TEK: variants seen among roughly 807,000 people sequenced by gnomAD.
TEK encodes the protein angiopoietin-1 receptor.
Under a neutral mutation model 131.8 loss-of-function variants are expected in TEK, and 43 were observed. That is an observed-to-expected ratio of 0.33 (90% CI 0.26 to 0.42). TEK has a LOEUF of 0.42. Among genes scored for constraint, TEK ranks in the 10% least tolerant of loss-of-function variants. The probability of loss-of-function intolerance (pLI) is 1.00; values close to 1 mark genes in which losing one functional copy is unlikely to be tolerated. For synonymous variants in TEK, 580 were observed against 491.6 expected (o/e 1.18, Z -2.38); for missense variants, 1,162 against 1,384.4 (o/e 0.84, Z 2.55).
Position 27,172,615 on chromosome 9 carries a change from G to A in TEK, c.629-1G>A, listed in dbSNP as rs1463342917. On this transcript the variant is annotated splice_acceptor_variant, in intron 4 of 22. Coordinates refer to ENST00000380036, the MANE Select transcript of TEK (RefSeq NM_000459.5). LOFTEE classifies it high-confidence loss of function. Reference sequence around the variant, plus strand: ...CACAGCCTTGTTTTCCTTAACAAAAGGATGTGAAGCCCAGAAGTGGGGACC... The same window carrying A: ...CACAGCCTTGTTTTCCTTAACAAAAAGATGTGAAGCCCAGAAGTGGGGACC... 1 of 1,613,466 alleles carries A rather than the reference G, an allele frequency of 6.2e-7. No homozygotes were observed. The highest frequency in any genetic ancestry group is 8.5e-7 in the Non-Finnish European group (1 of 1,179,518).
intron 21 of TEK, among the ~76,000 whole-genome samples, chr9:27,226,399 C>A (rs12349915): frequency 0.13 from 19,112 of 152,182 alleles, 1,385 homozygotes; most frequent in Admixed American, 0.18. Context: ...TACTATGCAG[C>A]CATAAGAAAG....
At chr9:27,206,298 C>T (rs533564456) in intron 14 of TEK, among the ~76,000 whole-genome samples, 1 of 152,150 alleles carries the variant, frequency 6.6e-6, no homozygotes, top group Non-Finnish European at 1.5e-5. Context: ...GCAAGGATGG[C>T]AAACACATGG....
chr9:27,218,110 G>A (rs1259674209), intron 19 of TEK, among the ~76,000 whole-genome samples: 2 of 119,508 alleles, frequency 1.7e-5, no homozygotes, highest in African/African-American at 6.8e-5. Flanking sequence ...AGCTGCTGGG[G>A]ACAAAATAAG....
chr9:27,140,903 C>G (rs1822700294), intron 1 of TEK, among the ~76,000 whole-genome samples: 1 of 152,082 alleles, frequency 6.6e-6, no homozygotes, highest in Admixed American at 6.5e-5. Flanking sequence ...TGCCTTCAAT[C>G]TTGAGTTTTA....
chr9:27,198,947 G>A (rs916400779), intron 12 of TEK, among the ~76,000 whole-genome samples: 11 of 152,108 alleles, frequency 7.2e-5, no homozygotes, highest in East Asian at 1.9e-4. Context: ...ACAGGCACAC[G>A]CCACCACACC....
chr9:27,224,029 T>A (rs575255548), intron 21 of TEK, among the ~76,000 whole-genome samples: 3 of 152,336 alleles, frequency 2.0e-5, no homozygotes, highest in Admixed American at 6.5e-5. Flanking sequence ...GATAAATTCA[T>A]GGACACATAC....
intron 6 of TEK, among the ~76,000 whole-genome samples, 177 bp from the exon 7 acceptor site, chr9:27,180,063 T>C (rs1368097013): frequency 6.6e-6 from 1 of 152,180 alleles, no homozygotes; most frequent in Non-Finnish European, 1.5e-5. Context: ...TCAACTTTTT[T>C]TGGAAGCATA....
intron 11 of TEK, among the ~76,000 whole-genome samples, chr9:27,193,078 T>C (rs1824880842): frequency 6.6e-6 from 1 of 152,204 alleles, no homozygotes; most frequent in East Asian, 1.9e-4. Context: ...TTCCAATTTT[T>C]CAAAGTAATT....
At chr9:27,120,791 G>C (rs112193031) in intron 1 of TEK, among the ~76,000 whole-genome samples, 1 of 152,254 alleles carries the variant, frequency 6.6e-6, no homozygotes, top group African/African-American at 2.4e-5. Context: ...AGGATCAGAA[G>C]TGGCCCTTGC....
In TEK at chr9:27,189,849, GAA is replaced by G. The variant is rs922740203; in HGVS notation, c.1328-678_1328-677del. On this transcript the variant is annotated intron_variant, in intron 9 of 22. Coordinates refer to ENST00000380036, the MANE Select transcript of TEK (RefSeq NM_000459.5). ...TATAATAAATTTGAGTTGTTTGGCT[GAA>G]AGAGAGAGATATATATATATAGAGA... 3.5e-4 allele frequency among the ~76,000 whole-genome samples: 26 copies of G among 75,304 alleles called. No homozygotes were observed. In the East Asian group the frequency reaches 4.5e-3, roughly 13 times the overall value. 49.4% of individuals were successfully genotyped at this position (75,304 alleles called of 152,430 possible).
intron 1 of TEK, among the ~76,000 whole-genome samples, chr9:27,146,147 A>T (rs1325575590): frequency 1.3e-5 from 2 of 152,166 alleles, no homozygotes; most frequent in Non-Finnish European, 2.9e-5. Flanking sequence ...ACCGTTATTT[A>T]TTTAGAGATG....
intron 6 of TEK, among the ~76,000 whole-genome samples, chr9:27,176,565 A>G (rs565104323): frequency 2.6e-5 from 4 of 152,346 alleles, no homozygotes; most frequent in African/African-American, 9.6e-5. Flanking sequence ...TCTAATTGCT[A>G]AATAAAAATT....
chr9:27,203,284 C>T (rs1049582310), intron 13 of TEK, among the ~76,000 whole-genome samples, 165 bp downstream of exon 13: 5 of 152,120 alleles, frequency 3.3e-5, no homozygotes, highest in Non-Finnish European at 7.4e-5. Context: ...GAGAAGGATC[C>T]CTGTTGGTCC....
chr9:27,172,556 A>G lies in TEK; in HGVS notation c.629-60A>G, dbSNP rs1823996778. On this transcript the variant is annotated intron_variant, in intron 4 of 22. Transcript: ENST00000380036. ...ATGACTGACACACAGTAGGTGCTCA[A>G]TAAAGATGTGTTGAGCGAATGCGCT... 9 of 1,606,812 alleles carry G rather than the reference A, an allele frequency of 5.6e-6. No homozygotes were observed. In the South Asian group the frequency reaches 7.8e-5, roughly 14 times the overall value.
At chr9:27,188,199 G>T (rs1228387141) in intron 9 of TEK, among the ~76,000 whole-genome samples, 5 of 152,198 alleles carry the variant, frequency 3.3e-5, no homozygotes, top group Admixed American at 6.6e-5. Flanking sequence ...CCTCTGGGTA[G>T]AGGATATTGA....
At chr9:27,154,282 C>T (rs1459618297) in intron 1 of TEK, among the ~76,000 whole-genome samples, 2 of 152,302 alleles carry the variant, frequency 1.3e-5, no homozygotes, top group East Asian at 3.9e-4. Context: ...CTGTCATCTA[C>T]ATTAGGTATT....
intron 11 of TEK, 96 bp downstream of exon 11, chr9:27,192,719 G>T: frequency 2.4e-6 from 2 of 827,818 alleles, no homozygotes; most frequent in Admixed American, 4.6e-5. Flanking sequence ...TGGTGGGTGA[G>T]TGGGTGGGTG....
At chr9:27,182,526 G>A (rs2131168290) in intron 7 of TEK, among the ~76,000 whole-genome samples, 1 of 152,142 alleles carries the variant, frequency 6.6e-6, no homozygotes, top group South Asian at 2.1e-4. Flanking sequence ...GGCCTGAGAA[G>A]TAGGATATCA....
chr9:27,162,906 G>A (rs191839068), intron 2 of TEK, among the ~76,000 whole-genome samples: 171 of 152,180 alleles, frequency 1.1e-3, no homozygotes, highest in South Asian at 8.3e-4. Flanking sequence ...AGTAGAGACA[G>A]GGCTTTACCA....
Sources: gnomAD v4.1 joint callset for allele counts (sites outside exome capture counted in the v4.1 genomes callset) on GRCh38, gnomAD v4.1.1 for gene constraint, MANE v1.5 for transcripts, NCBI Gene and HGNC (gene_info 2026-07-23, HGNC 2026-07-21) for gene names.